TSFM: variants seen among roughly 807,000 people sequenced by gnomAD.
The protein encoded by TSFM is Ts translation elongation factor, mitochondrial, also known as elongation factor Ts, mitochondrial.
A neutral mutation model predicts 33.4 loss-of-function variants in TSFM; 29 were observed. That is an observed-to-expected ratio of 0.87 (90% confidence interval 0.65 to 1.18). The LOEUF (loss-of-function observed/expected upper bound fraction) is 1.18. Among genes scored for constraint, TSFM ranks in the 50% most tolerant of loss-of-function variants. The pLI is 0.00. For missense variants in TSFM, 394 were observed against 395.6 expected (o/e 1.00, Z 0.04); for synonymous variants, 178 against 163.5 (o/e 1.09, Z -0.68).
Position 57,796,875 on chromosome 12 carries a change from A to G in TSFM, c.*292A>G. 2 of 1,055,602 alleles carry G rather than the reference A, an allele frequency of 1.9e-6. No homozygotes were observed. Among genetic ancestry groups the G allele is most frequent in the South Asian group, 4.6e-5 (1 of 21,942 alleles). 65.4% of individuals were successfully genotyped at this position (1,055,602 alleles called of 1,614,324 possible). Reference sequence around the variant, plus strand: ...TTATTATGGTATTTCTGAAATTTCTAACTTATATGTTCTGTCTTACACCTT... The same window carrying G: ...TTATTATGGTATTTCTGAAATTTCTGACTTATATGTTCTGTCTTACACCTT... On this transcript the variant is annotated 3_prime_UTR_variant, in exon 6 of 6. Transcript: ENST00000652027.
downstream of TSFM, among the ~76,000 whole-genome samples, chr12:57,798,653 G>A (rs1435783861): frequency 5.0e-5 from 7 of 141,214 alleles, no homozygotes; most frequent in South Asian, 4.5e-4. Context: ...TTCTTGCTTT[G>A]TGGCCCAGGC....
chr12:57,783,764 A>G, intron 2 of TSFM: 1 of 577,046 alleles, frequency 1.7e-6, no homozygotes, highest in South Asian at 2.1e-5. Flanking sequence ...CGGCTATTTT[A>G]TTTTTTATTT....
chr12:57,783,165 C>T lies in TSFM; in HGVS notation c.113C>T (p.Pro38Leu), dbSNP rs372416778. ...PQPRHTFYAG[P>L]RLSASASSKE... ...CCAAGGCACACATTTTATGCTGGGC[C>T]CCGTCTGTCTGCCTCGGCCTCCAGC... The change falls in exon 2 of 6, where the codon CCC (proline) becomes CTC (leucine). Residue 38 changes from proline (P) to leucine (L), a missense_variant. Coordinates refer to ENST00000652027, the MANE Select transcript of TSFM (RefSeq NM_005726.6). 31 of 1,613,154 alleles carry T rather than the reference C, an allele frequency of 1.9e-5. No individual in the cohort carries two copies. The African/African-American group carries it at 3.9e-4, about 20-fold the overall frequency.
chr12:57,793,243 T>A (rs1375395131), intron 5 of TSFM, among the ~76,000 whole-genome samples, 170 bp downstream of exon 5: 2 of 152,088 alleles, frequency 1.3e-5, no homozygotes, highest in African/African-American at 2.4e-5. Flanking sequence ...CTTTTTTTTT[T>A]CCGAGACAGA....
In TSFM at chr12:57,796,331, G is replaced by T. The variant is rs140461538; in HGVS notation, c.726G>T (p.Thr242=). ...ATGGGGCCCTGGTCATCTGTGAGAC[G>T]TCTGAACAGAAAACAAACCTTGAAG... ...GKYGALVICE[T]SEQKTNLEDV... The change falls in exon 6 of 6, where the codon ACG becomes ACT. Residue 242 remains threonine, a synonymous_variant. Coordinates refer to ENST00000652027, the MANE Select transcript of TSFM (RefSeq NM_005726.6). The T allele has an allele frequency of 6.2e-7, 1 of 1,609,596 alleles. No homozygotes were observed. The highest frequency in any genetic ancestry group is 1.7e-5 in the Admixed American group (1 of 59,084).
At chr12:57,798,424 C>A (rs1955779443), downstream of TSFM, among the ~76,000 whole-genome samples, 2 of 152,060 alleles carry the variant, frequency 1.3e-5, no homozygotes, top group Non-Finnish European at 2.9e-5. Flanking sequence ...GCATAAAATT[C>A]TTCTACACAT....
chr12:57,782,797 G>C lies in TSFM; in HGVS notation c.-5G>C, dbSNP rs201857657. On this transcript the variant is annotated 5_prime_UTR_variant, in exon 1 of 6. Transcript: ENST00000652027. The stretch of plus-strand genomic sequence containing the variant: ...CGCCGGAGGGTGTTTATCGCGGCTA[G>C]AGAGATGTCGCTGCTGCGGTCGCTG... 6 of 1,588,568 alleles carry C rather than the reference G, an allele frequency of 3.8e-6. No individual in the cohort carries two copies. In the African/African-American group the frequency reaches 6.7e-5, roughly 18 times the overall value.
downstream of TSFM, chr12:57,801,131 G>T (rs1230491017): frequency 6.2e-7 from 1 of 1,612,418 alleles, no homozygotes; most frequent in South Asian, 1.1e-5. Context: ...TCCCAAGAGC[G>T]AACCCGACTC....
chr12:57,791,541 G>T (rs1955662900), intron 4 of TSFM, among the ~76,000 whole-genome samples: 1 of 152,144 alleles, frequency 6.6e-6, no homozygotes, highest in Non-Finnish European at 1.5e-5. Flanking sequence ...TTGTTGCACA[G>T]ATAGTAGTAT....
At chr12:57,797,733 A>C, downstream of TSFM, 1 of 742,722 alleles carries the variant, frequency 1.3e-6, no homozygotes, top group Admixed American at 4.2e-5. Context: ...GGATGAGAAA[A>C]AATGGAGAAC....
rs1955748391 is a variant in TSFM, at chr12:57,796,883, T to C, written c.*300T>C. ...GTATTTCTGAAATTTCTAACTTATA[T>C]GTTCTGTCTTACACCTTTTATGACA... On this transcript the variant is annotated 3_prime_UTR_variant, in exon 6 of 6. Transcript: ENST00000652027. 1 of 1,040,416 alleles carries C rather than the reference T, an allele frequency of 9.6e-7. No individual in the cohort carries two copies. Among genetic ancestry groups the C allele is most frequent in the Non-Finnish European group, 1.2e-6 (1 of 867,304 alleles). 64.4% of individuals were successfully genotyped at this position (1,040,416 alleles called of 1,614,324 possible). A position where few individuals can be genotyped will look rare whatever the true frequency, so the allele number is the denominator to read the frequency against.
At chr12:57,800,371 T>G (rs1227280022), downstream of TSFM, 1 of 157,270 alleles carries the variant, frequency 6.4e-6, no homozygotes, top group Non-Finnish European at 1.4e-5. Flanking sequence ...CCAGATGGTT[T>G]GAACACCTGG....
downstream of TSFM, chr12:57,802,409 C>G (rs936524758): frequency 6.0e-6 from 9 of 1,510,666 alleles, no homozygotes. Context: ...AGTACTAGAT[C>G]ATACACATTA....
In TSFM at chr12:57,793,049, A is replaced by G. The variant is rs1955684937; in HGVS notation, c.547A>G (p.Lys183Glu). Residue 183 changes from lysine (K) to glutamate (E), a missense_variant, in exon 5 of 6, where the codon AAG becomes GAG. Around this residue, in one of 3 missense-constraint regions of TSFM, gnomAD observed 186 missense variants for 198.8 expected, o/e 0.94. Coordinates refer to ENST00000652027, the MANE Select transcript of TSFM (RefSeq NM_005726.6). ...PAGPDREGSL[K>E]DQLALAIGKL... Reference sequence around the variant, plus strand: ...TGGGCCTGACAGAGAAGGCTCACTCAAGGATCAGTTGGCTTTAGCAATTGG... The same window carrying G: ...TGGGCCTGACAGAGAAGGCTCACTCGAGGATCAGTTGGCTTTAGCAATTGG... 1.9e-6 allele frequency: 3 copies of G among 1,613,596 alleles called. No homozygotes were observed. The highest frequency in any genetic ancestry group is 2.2e-5 in the East Asian group (1 of 44,872).
At chr12:57,793,778 G>C (rs913622807) in intron 5 of TSFM, among the ~76,000 whole-genome samples, 1 of 152,210 alleles carries the variant, frequency 6.6e-6, no homozygotes, top group Admixed American at 6.5e-5. Flanking sequence ...CTGAGTACTT[G>C]AGTATATGCT....
At chr12:57,784,520 C>T (rs1366024496) in intron 2 of TSFM, among the ~76,000 whole-genome samples, 2 of 152,074 alleles carry the variant, frequency 1.3e-5, no homozygotes, top group Non-Finnish European at 2.9e-5. Flanking sequence ...ACATATTGTA[C>T]AGCTGTACCA....
At chr12:57,786,059 G>C in intron 2 of TSFM, 104 bp from the exon 3 acceptor site, 1 of 1,348,808 alleles carries the variant, frequency 7.4e-7, no homozygotes, top group South Asian at 1.7e-5. Context: ...TTTAGTTTCT[G>C]TTAGAGAATT....
At chr12:57,795,072 C>CATATATAT (rs56126635) in intron 5 of TSFM, among the ~76,000 whole-genome samples, 81 of 135,152 alleles carry the variant, frequency 6.0e-4, no homozygotes, top group East Asian at 1.7e-3. Context: ...GTTAATGCTC[C>CATATATAT]ATATATATAT....
Position 57,782,799 on chromosome 12 carries a change from G to GA in TSFM, c.-2dup. The GA allele has an allele frequency of 6.3e-7, 1 of 1,589,568 alleles. No individual in the cohort carries two copies. Among genetic ancestry groups the GA allele is most frequent in the South Asian group, 1.1e-5 (1 of 87,280 alleles). ...CCGGAGGGTGTTTATCGCGGCTAGA[G>GA]AGATGTCGCTGCTGCGGTCGCTGCG... On this transcript the variant is annotated 5_prime_UTR_variant, in exon 1 of 6. Coordinates refer to ENST00000652027, the MANE Select transcript of TSFM (RefSeq NM_005726.6).
Sources: allele counts gnomAD v4.1 joint callset (sites outside exome capture counted in the v4.1 genomes callset), GRCh38; gene constraint gnomAD v4.1.1; regional missense constraint gnomAD v4.1.1; transcripts MANE v1.5; gene names NCBI Gene and HGNC (gene_info 2026-07-23, HGNC 2026-07-21).